LRP1B: variants seen among roughly 807,000 people sequenced by gnomAD.
LRP1B encodes LDL receptor related protein 1B.
A neutral mutation model predicts 556.6 loss-of-function variants in LRP1B; 217 were observed. The ratio of observed to expected loss-of-function variants is 0.39; its 90% CI spans 0.35 to 0.44. LRP1B has a LOEUF of 0.44. LRP1B is among the 20% of genes least tolerant of loss of function. The pLI is 1.00. For synonymous variants in LRP1B, 2,047 were observed against 1,865.8 expected, an observed-to-expected ratio of 1.10 and a Z score of -2.50; for missense variants, 5,053 against 5,620.8, an observed-to-expected ratio of 0.90 and a Z score of 3.23.
chr2:141,252,129 G>T (rs539801374), intron 4 of LRP1B, among the ~76,000 whole-genome samples: 8 of 151,714 alleles, frequency 5.3e-5, no homozygotes, highest in East Asian at 3.9e-4. Flanking sequence ...GTCACCCTTT[G>T]TTGTAGCTGG....
intron 43 of LRP1B, among the ~76,000 whole-genome samples, chr2:140,590,105 C>T (rs1280328554): frequency 6.6e-6 from 1 of 151,914 alleles, no homozygotes; most frequent in Non-Finnish European, 1.5e-5. Context: ...AATTCATAAG[C>T]ACAAATGCAT....
intron 31 of LRP1B, among the ~76,000 whole-genome samples, chr2:140,816,432 A>C (rs933812694): frequency 6.6e-6 from 1 of 152,130 alleles, no homozygotes; most frequent in African/African-American, 2.4e-5. Context: ...GAATTTTTTA[A>C]TGTACTACTT....
At chr2:140,621,243 G>A (rs1389512515) in intron 41 of LRP1B, among the ~76,000 whole-genome samples, 1 of 151,362 alleles carries the variant, frequency 6.6e-6, no homozygotes, top group African/African-American at 2.4e-5. Context: ...AAAATTAGCC[G>A]GGTGTGGTGG....
intron 2 of LRP1B, among the ~76,000 whole-genome samples, chr2:141,652,081 C>G (rs1160878822): frequency 6.6e-6 from 1 of 152,120 alleles, no homozygotes; most frequent in East Asian, 1.9e-4. Context: ...CACAACTTCC[C>G]TCAATTTTAC....
In LRP1B at chr2:141,382,713, T is replaced by C. The variant is rs529385122; in HGVS notation, c.343+97683A>G. On this transcript the variant is annotated intron_variant, in intron 3 of 90. Transcript: ENST00000389484. Reference sequence around the variant, plus strand: ...TTCAATGACATACTAGCAAAACAAATGCAACAACGCATTAAAAAGATAATT... The same window carrying C: ...TTCAATGACATACTAGCAAAACAAACGCAACAACGCATTAAAAAGATAATT... Among the ~76,000 whole-genome samples the C allele has an allele frequency of 1.2e-4, 18 of 152,294 alleles. No homozygotes were observed. In the South Asian group the frequency reaches 3.7e-3, roughly 32 times the overall value.
At chr2:141,727,463 C>A (rs1346683197) in intron 2 of LRP1B, among the ~76,000 whole-genome samples, 1 of 152,190 alleles carries the variant, frequency 6.6e-6, no homozygotes, top group Non-Finnish European at 1.5e-5. Context: ...CTGCCCACTA[C>A]TTCTCCAGTA....
At chr2:140,541,231 T>G in intron 44 of LRP1B, 133 bp from the exon 45 acceptor site, 1 of 767,290 alleles carries the variant, frequency 1.3e-6, no homozygotes, top group Non-Finnish European at 2.0e-6. Flanking sequence ...ATTCAGGATT[T>G]TTGAAAATCT....
At chr2:140,965,907 A>G (rs1353093806) in intron 18 of LRP1B, among the ~76,000 whole-genome samples, 1 of 149,484 alleles carries the variant, frequency 6.7e-6, no homozygotes, top group African/African-American at 2.5e-5. Context: ...ATGGCTGCAT[A>G]GTATTCCATG....
intron 1 of LRP1B, among the ~76,000 whole-genome samples, chr2:142,091,457 C>A (rs1706171281): frequency 6.6e-6 from 1 of 151,900 alleles, no homozygotes; most frequent in Non-Finnish European, 1.5e-5. Context: ...AGAAGTATAG[C>A]TAAAACCTGA....
chr2:140,277,730 A>C (rs1211126026), intron 84 of LRP1B, among the ~76,000 whole-genome samples: 2 of 152,010 alleles, frequency 1.3e-5, no homozygotes, highest in East Asian at 3.9e-4. Flanking sequence ...ATACACACCC[A>C]CCAGACTGAT....
rs1030920759 is a variant in LRP1B, at chr2:140,749,117, G to A, written c.5758+20096C>T. On this transcript the variant is annotated intron_variant, in intron 35 of 90. Transcript: ENST00000389484. ...TCTAAACATATCTAAACTTAGAAAA[G>A]CTACAGCAAAAATACAATATAAGAG... Among the ~76,000 whole-genome samples the A allele has an allele frequency of 2.0e-5, 3 of 151,626 alleles. No individual in the cohort carries two copies. In the Admixed American group the frequency reaches 2.0e-4, roughly 10 times the overall value.
intron 35 of LRP1B, among the ~76,000 whole-genome samples, chr2:140,768,489 T>C (rs2104932535): frequency 6.6e-6 from 1 of 152,082 alleles, no homozygotes; most frequent in East Asian, 1.9e-4. Context: ...AGCCCTCAAG[T>C]TGAAGATAAT....
rs1038860409 is a variant in LRP1B, at chr2:141,810,156, A to AGAAG, written c.205+122_205+123insCTTC. On this transcript the variant is annotated intron_variant, in intron 2 of 90. Transcript: ENST00000389484. ...AAGAAAGAAAGAAAGAAAGAAAGAA[A>AGAAG]GAAAGAAAGAAGGAAAGAAAGAAAG... The AGAAG allele has an allele frequency of 6.5e-6, 3 of 465,110 alleles. No homozygotes were observed. In the African/African-American group the frequency reaches 1.4e-4, roughly 21 times the overall value. The allele number at this position is 465,110 out of a possible 1,614,324, so 28.8% of individuals were successfully genotyped here. A position where few individuals can be genotyped will look rare whatever the true frequency, so the allele number is the denominator to read the frequency against.
At chr2:141,711,952 G>GACACAC (rs3039230) in intron 2 of LRP1B, among the ~76,000 whole-genome samples, 11 of 148,390 alleles carry the variant, frequency 7.4e-5, no homozygotes, top group East Asian at 6.0e-4. Flanking sequence ...AACACACACA[G>GACACAC]ACACACACAC....
At chr2:140,779,694 C>CA (rs34083447) in intron 32 of LRP1B, among the ~76,000 whole-genome samples, 45,828 of 66,822 alleles carry the variant, frequency 0.69, 16,510 homozygotes, top group East Asian at 0.77. Flanking sequence ...GACTCTGTCT[C>CA]AAAAAAAAAA....
At chr2:141,415,696 T>C (rs914342227) in intron 3 of LRP1B, among the ~76,000 whole-genome samples, 2 of 152,154 alleles carry the variant, frequency 1.3e-5, no homozygotes, top group Admixed American at 1.3e-4. Context: ...GGTGGCCAAA[T>C]AGTTGCAGAT....
At chr2:140,758,271 T>A (rs1472604724) in intron 35 of LRP1B, among the ~76,000 whole-genome samples, 1 of 136,610 alleles carries the variant, frequency 7.3e-6, no homozygotes, top group Non-Finnish European at 1.6e-5. Flanking sequence ...TAGGAGAGCG[T>A]TCATGTTAGA....
chr2:141,600,247 T>C (rs568524816), intron 2 of LRP1B, among the ~76,000 whole-genome samples: 1 of 152,074 alleles, frequency 6.6e-6, no homozygotes, highest in South Asian at 2.1e-4. Context: ...GAGCTTTTTT[T>C]AAAAAAATGC....
intron 1 of LRP1B, among the ~76,000 whole-genome samples, chr2:142,099,331 T>G (rs1466925494): frequency 6.6e-6 from 1 of 151,886 alleles, no homozygotes; most frequent in Admixed American, 6.6e-5. Flanking sequence ...TAGTTTAAAA[T>G]GATGACCAGG....
Sources: allele counts gnomAD v4.1 joint callset (sites outside exome capture counted in the v4.1 genomes callset), GRCh38; gene constraint gnomAD v4.1.1; transcripts MANE v1.5; gene names NCBI Gene and HGNC (gene_info 2026-07-23, HGNC 2026-07-21).